SYT6: variants seen among roughly 807,000 people sequenced by gnomAD.
The protein encoded by SYT6 is synaptotagmin-6.
Under a neutral mutation model 38.4 loss-of-function variants are expected in SYT6, and 24 were observed. That is an observed-to-expected ratio of 0.62 (90% CI 0.45 to 0.88). SYT6 has a LOEUF of 0.88. SYT6 is among the 40% of genes least tolerant of loss of function. The probability of loss-of-function intolerance (pLI) is 0.00; values close to 1 mark genes in which losing one functional copy is unlikely to be tolerated. For synonymous variants in SYT6, 265 were observed against 241.9 expected, an observed-to-expected ratio of 1.10 and a Z score of -0.89; for missense variants, 611 against 621.0, an observed-to-expected ratio of 0.98 and a Z score of 0.17.
intron 3 of SYT6, among the ~76,000 whole-genome samples, chr1:114,109,738 G>A (rs550398310): frequency 2.4e-4 from 37 of 152,230 alleles, no homozygotes; most frequent in Non-Finnish European, 4.3e-4. Context: ...TGGTTTGGTC[G>A]GTGCAGTAAT....
At chr1:114,107,380 T>C (rs1676390429) in intron 3 of SYT6, among the ~76,000 whole-genome samples, 1 of 152,184 alleles carries the variant, frequency 6.6e-6, no homozygotes, top group Non-Finnish European at 1.5e-5. Flanking sequence ...GAGTCTGCAG[T>C]GTGGTGTGGC....
At chr1:114,109,874 C>G in intron 3 of SYT6, among the ~76,000 whole-genome samples, 1 of 152,190 alleles carries the variant, frequency 6.6e-6, no homozygotes, top group East Asian at 1.9e-4. Flanking sequence ...AAGTAGATTT[C>G]TAGCAGAAAA....
chr1:114,146,660 C>A (rs1679172069), intron 1 of SYT6, among the ~76,000 whole-genome samples: 1 of 152,184 alleles, frequency 6.6e-6, no homozygotes, highest in Non-Finnish European at 1.5e-5. Context: ...CAGCCCAGCA[C>A]TGAAAAAGAG....
chr1:114,115,818 A>G (rs1211815332), intron 3 of SYT6, among the ~76,000 whole-genome samples: 1 of 152,064 alleles, frequency 6.6e-6, no homozygotes, highest in Non-Finnish European at 1.5e-5. Flanking sequence ...TAACTTGCCT[A>G]GGGTCTCATG....
At chr1:114,142,360 G>A (rs1678912066) in intron 1 of SYT6, among the ~76,000 whole-genome samples, 1 of 152,222 alleles carries the variant, frequency 6.6e-6, no homozygotes, top group African/African-American at 2.4e-5. Flanking sequence ...GGTGGAAATA[G>A]CAAGAGAACC....
At chr1:114,132,429 G>C (rs915235771) in intron 3 of SYT6, among the ~76,000 whole-genome samples, 10 of 152,138 alleles carry the variant, frequency 6.6e-5, no homozygotes, top group African/African-American at 2.4e-4. Context: ...GTGGGGTTTC[G>C]GCCTCTGCTG....
chr1:114,113,038 T>C (rs1352245422), intron 3 of SYT6, among the ~76,000 whole-genome samples: 1 of 152,168 alleles, frequency 6.6e-6, no homozygotes, highest in African/African-American at 2.4e-5. Flanking sequence ...AGGGCTTTGG[T>C]CTCAGCCAAA....
chr1:114,114,212 G>C (rs935566304), intron 3 of SYT6, among the ~76,000 whole-genome samples: 1 of 152,220 alleles, frequency 6.6e-6, no homozygotes, highest in African/African-American at 2.4e-5. Context: ...AGTGAAGGAA[G>C]TGCTCACTGT....
intron 3 of SYT6, among the ~76,000 whole-genome samples, chr1:114,134,407 G>T (rs500739): frequency 0.35 from 52,830 of 152,126 alleles, 9,842 homozygotes; most frequent in South Asian, 0.5. Flanking sequence ...GTAAGCCACT[G>T]GTCATTTAAC....
At chr1:114,116,298 C>A (rs142690333) in intron 3 of SYT6, among the ~76,000 whole-genome samples, 25 of 152,270 alleles carry the variant, frequency 1.6e-4, no homozygotes, top group Non-Finnish European at 3.1e-4. Context: ...AGAAGCTAGG[C>A]CAGCAGGGGC....
intron 4 of SYT6, among the ~76,000 whole-genome samples, chr1:114,100,111 G>A (rs1571820553): frequency 1.3e-5 from 2 of 152,070 alleles, no homozygotes; most frequent in East Asian, 3.8e-4. Context: ...GGTATTTCAT[G>A]GTCATCTTTC....
chr1:114,141,169 G>A (rs1678844974), intron 1 of SYT6, among the ~76,000 whole-genome samples: 1 of 152,196 alleles, frequency 6.6e-6, no homozygotes. Context: ...AAATAATGAA[G>A]CTTAGTGAGG....
At chr1:114,107,278 C>G (rs643551) in intron 3 of SYT6, among the ~76,000 whole-genome samples, 4 of 152,198 alleles carry the variant, frequency 2.6e-5, no homozygotes, top group African/African-American at 4.8e-5. Context: ...ATGGCTCCCT[C>G]CAGGGGAGCA....
At chr1:114,126,303 T>C (rs1677733273) in intron 3 of SYT6, among the ~76,000 whole-genome samples, 1 of 152,192 alleles carries the variant, frequency 6.6e-6, no homozygotes, top group Non-Finnish European at 1.5e-5. Flanking sequence ...CATAACACCA[T>C]GGTCCGCGGG....
chr1:114,101,439 G>C (rs1675963620), intron 4 of SYT6, among the ~76,000 whole-genome samples: 1 of 152,098 alleles, frequency 6.6e-6, no homozygotes, highest in Middle Eastern at 3.2e-3. Context: ...ATTGTCATGG[G>C]AGCAATCAAA....
chr1:114,136,058 A>C (rs1678462034), intron 3 of SYT6, among the ~76,000 whole-genome samples: 2 of 152,222 alleles, frequency 1.3e-5, no homozygotes, highest in Non-Finnish European at 2.9e-5. Context: ...CTTAGGGATG[A>C]CATTTCAGGA....
chr1:114,105,827 T>A (rs1676274213), intron 3 of SYT6, among the ~76,000 whole-genome samples: 1 of 152,038 alleles, frequency 6.6e-6, no homozygotes. Flanking sequence ...AGGAAGCTGC[T>A]CAAGGGAACC....
intron 6 of SYT6, among the ~76,000 whole-genome samples, chr1:114,096,568 C>T (rs1405051317): frequency 3.9e-5 from 6 of 152,154 alleles, no homozygotes; most frequent in African/African-American, 1.2e-4. Flanking sequence ...CTCTCAGGCT[C>T]TCCTGAGACA....
chr1:114,136,951 G>A (rs543443523), intron 3 of SYT6, among the ~76,000 whole-genome samples: 6 of 152,262 alleles, frequency 3.9e-5, no homozygotes, highest in South Asian at 2.1e-4. Context: ...TAAACAGTGC[G>A]TGATTTGCCA....
Sources: gnomAD v4.1 joint callset for allele counts (sites outside exome capture counted in the v4.1 genomes callset) on GRCh38, gnomAD v4.1.1 for gene constraint, MANE v1.5 for transcripts, NCBI Gene and HGNC (gene_info 2026-07-23, HGNC 2026-07-21) for gene names.